The following ZNF254 variants were observed in gnomAD, a reference collection of about 807,000 sequenced individuals.
ZNF254 encodes the protein zinc finger protein 254, also known as CTD-2017D11.1.
Under a neutral mutation model 12.4 loss-of-function variants are expected in ZNF254, and 10 were observed. The ratio of observed to expected loss-of-function variants is 0.80; its 90% CI spans 0.50 to 1.36. The LOEUF (loss-of-function observed/expected upper bound fraction) is 1.36, where lower values mean the gene tolerates loss of function less well. Among genes scored for constraint, ZNF254 ranks in the 40% most tolerant of loss-of-function variants. The pLI is 0.00. For synonymous variants in ZNF254, 305 were observed against 253.4 expected, an observed-to-expected ratio of 1.20 and a Z score of -1.93; for missense variants, 996 against 763.9, an observed-to-expected ratio of 1.30 and a Z score of -3.58.
intron 2 of ZNF254, among the ~76,000 whole-genome samples, chr19:24,058,474 A>G (rs1034267931): frequency 1.3e-5 from 2 of 149,360 alleles, no homozygotes; most frequent in Non-Finnish European, 3.0e-5. Flanking sequence ...GTAATGGTGC[A>G]ATCTTGGCTC....
chr19:24,128,068 C>T lies in ZNF254; in HGVS notation c.*88C>T, dbSNP rs879608864. The T allele has an allele frequency of 5.3e-5, 71 of 1,333,094 alleles. 1 individual carries two copies. The highest frequency in any genetic ancestry group is 1.3e-4 in the African/African-American group (9 of 67,764). The allele number at this position is 1,333,094 out of a possible 1,614,324, so 82.6% of individuals were successfully genotyped here. On this transcript the variant is annotated 3_prime_UTR_variant, in exon 4 of 4. Coordinates refer to ENST00000357002, the MANE Select transcript of ZNF254 (RefSeq NM_203282.4). ...AGAGAAACTACAAACCTGAGAGAGG[C>T]GCTAATGCTTTTGACAGTACCTAAA...
chr19:24,045,540 C>T (rs1970346927), intron 1 of ZNF254, among the ~76,000 whole-genome samples: 1 of 151,870 alleles, frequency 6.6e-6, no homozygotes, highest in East Asian at 1.9e-4. Flanking sequence ...GTGGTGGCGG[C>T]GTCTGTAGTC....
At chr19:24,111,856 G>C (rs1483704050) in intron 3 of ZNF254, among the ~76,000 whole-genome samples, 1 of 151,766 alleles carries the variant, frequency 6.6e-6, no homozygotes, top group Non-Finnish European at 1.5e-5. Flanking sequence ...TTAGCCCTTT[G>C]TCAGATGAGT....
chr19:24,055,342 C>T (rs552377381), intron 2 of ZNF254, among the ~76,000 whole-genome samples: 34 of 151,402 alleles, frequency 2.2e-4, no homozygotes, highest in East Asian at 5.9e-4. Context: ...TGCAGTGGCG[C>T]GATCTCAGCT....
chr19:24,042,627 ACACT>A (rs1970221011), intron 1 of ZNF254, among the ~76,000 whole-genome samples: 1 of 151,952 alleles, frequency 6.6e-6, no homozygotes, highest in Admixed American at 6.6e-5. Flanking sequence ...AAGAGCTGTA[ACACT>A]CACTGCGAGG....
chr19:24,087,300 C>A lies in ZNF254; in HGVS notation c.-8C>A. On this transcript the variant is annotated 5_prime_UTR_variant, in exon 1 of 4. Transcript: ENST00000357002. ...GTTACCAGCAGGTATTGGAGATCCA[C>A]AGCTAAGATGCCAGGACCCCCTAGA... is the stretch of plus-strand genomic sequence containing the variant. 1.2e-6 allele frequency: 2 copies of A among 1,613,552 alleles called. No homozygotes were observed. The highest frequency in any genetic ancestry group is 1.7e-6 in the Non-Finnish European group (2 of 1,179,710).
At chr19:24,087,566 G>C (rs1972105011) in intron 1 of ZNF254, among the ~76,000 whole-genome samples, 1 of 152,164 alleles carries the variant, frequency 6.6e-6, no homozygotes, top group African/African-American at 2.4e-5. Context: ...GCCCTCTCTG[G>C]GCAGCTGTGG....
intron 3 of ZNF254, chr19:24,107,381 A>T (rs2145822407): frequency 2.4e-6 from 1 of 418,422 alleles, no homozygotes; most frequent in East Asian, 3.6e-5. Context: ...TTTTTCATTG[A>T]TATATCTTTC....
chr19:24,043,294 C>A (rs1003664838), intron 1 of ZNF254, among the ~76,000 whole-genome samples: 20 of 150,940 alleles, frequency 1.3e-4, no homozygotes, highest in Admixed American at 4.0e-4. Context: ...TAGAATCTTA[C>A]TTTGTCGCCC....
At chr19:24,071,757 G>C (rs2145497420) in intron 2 of ZNF254, among the ~76,000 whole-genome samples, 1 of 152,248 alleles carries the variant, frequency 6.6e-6, no homozygotes, top group African/African-American at 2.4e-5. Context: ...GTATTGCTGG[G>C]CCCAGCACCT....
chr19:24,115,851 G>C (rs902812982), intron 3 of ZNF254, among the ~76,000 whole-genome samples: 34 of 152,232 alleles, frequency 2.2e-4, no homozygotes, highest in African/African-American at 7.5e-4. Flanking sequence ...TCCTTTCTGT[G>C]TTTAGTACTT....
chr19:24,071,736 G>A (rs1971488530), intron 2 of ZNF254, among the ~76,000 whole-genome samples: 1 of 152,142 alleles, frequency 6.6e-6, no homozygotes, highest in Non-Finnish European at 1.5e-5. Flanking sequence ...TGCCCAAGGA[G>A]GGATTGTGAT....
chr19:24,054,128 C>T (rs1248371481), intron 2 of ZNF254, among the ~76,000 whole-genome samples: 2 of 152,180 alleles, frequency 1.3e-5, no homozygotes, highest in Admixed American at 1.3e-4. Flanking sequence ...AGCATTGTGA[C>T]ATAGTGCTTA....
chr19:24,089,657 A>G (rs777185293), intron 1 of ZNF254, among the ~76,000 whole-genome samples: 11 of 152,070 alleles, frequency 7.2e-5, no homozygotes, highest in Non-Finnish European at 1.5e-4. Flanking sequence ...TAGCGTCCCA[A>G]GTGCGCAGGT....
intron 3 of ZNF254, among the ~76,000 whole-genome samples, chr19:24,116,030 C>G (rs1473739951): frequency 1.3e-5 from 2 of 152,178 alleles, no homozygotes; most frequent in East Asian, 1.9e-4. Flanking sequence ...GGCCCCCACT[C>G]TCTTCTGGCT....
At chr19:24,081,902 C>A (rs1971856904) in intron 2 of ZNF254, among the ~76,000 whole-genome samples, 1 of 152,172 alleles carries the variant, frequency 6.6e-6, no homozygotes, top group Non-Finnish European at 1.5e-5. Context: ...GCAGGTGGAT[C>A]ACCTGAGGTC....
At chr19:24,093,283 C>G (rs1172099733) in intron 1 of ZNF254, among the ~76,000 whole-genome samples, 1 of 152,034 alleles carries the variant, frequency 6.6e-6, no homozygotes, top group Non-Finnish European at 1.5e-5. Context: ...TGTGAAGAAG[C>G]TCTTTAGTTT....
intron 3 of ZNF254, among the ~76,000 whole-genome samples, chr19:24,115,683 A>T (rs866939879): frequency 2.0e-5 from 3 of 152,152 alleles, no homozygotes; most frequent in East Asian, 1.9e-4. Flanking sequence ...ATAATAATAA[A>T]AAAAGAAAAA....
At chr19:24,058,553 A>T (rs1457007819) in intron 2 of ZNF254, among the ~76,000 whole-genome samples, 1 of 151,944 alleles carries the variant, frequency 6.6e-6, no homozygotes, top group Non-Finnish European at 1.5e-5. Flanking sequence ...GATTACAGGC[A>T]TGCGCCACCA....
Sources: allele counts gnomAD v4.1 joint callset (sites outside exome capture counted in the v4.1 genomes callset), GRCh38; gene constraint gnomAD v4.1.1; transcripts MANE v1.5; gene names NCBI Gene and HGNC (gene_info 2026-07-23, HGNC 2026-07-21).